MCPH1: variants seen among roughly 807,000 people sequenced by gnomAD.
MCPH1 encodes microcephalin.
In MCPH1, 104 loss-of-function variants were observed where a neutral mutation model predicts 84.5. The ratio of observed to expected loss-of-function variants is 1.23; its 90% confidence interval spans 1.05 to 1.45. The LOEUF (loss-of-function observed/expected upper bound fraction) is 1.45, where lower values mean the gene tolerates loss of function less well. Ranked by LOEUF, MCPH1 falls within the 40% of genes most tolerant of loss-of-function variation. MCPH1 has a pLI of 0.00. For missense variants in MCPH1, 1,498 were observed against 1,005.7 expected (o/e 1.49, Z -6.62); for synonymous variants, 514 against 366.8 (o/e 1.40, Z -4.58).
intron 8 of MCPH1, among the ~76,000 whole-genome samples, chr8:6,451,642 G>T (rs1805097418): frequency 6.6e-6 from 1 of 152,124 alleles, no homozygotes; most frequent in African/African-American, 2.4e-5. Context: ...CGTTAGCAGA[G>T]TTTTACTTGT....
In MCPH1 at chr8:6,647,398, A is replaced by G. The variant is rs750339856; in HGVS notation, c.*4349A>G. ...TTAAAAAATTGAACATTCAACTACC[A>G]TATGACCCAGCAATTTCACTCTCAG... On this transcript the variant is annotated 3_prime_UTR_variant, in exon 14 of 14. Coordinates refer to ENST00000344683, the MANE Select transcript of MCPH1 (RefSeq NM_024596.5). The G allele has an allele frequency of 1.3e-5, 2 of 152,216 alleles. No homozygotes were observed. Among genetic ancestry groups the G allele is most frequent in the Non-Finnish European group, 2.9e-5 (2 of 68,034 alleles). 9.4% of individuals were successfully genotyped at this position (152,216 alleles called of 1,614,324 possible).
chr8:6,442,794 A>G (rs537760298), intron 7 of MCPH1, among the ~76,000 whole-genome samples: 3 of 152,346 alleles, frequency 2.0e-5, no homozygotes, highest in South Asian at 2.1e-4. Context: ...ACTATGTTCA[A>G]AAGTGCTTGA....
chr8:6,539,804 C>G (rs1220508710), intron 12 of MCPH1, among the ~76,000 whole-genome samples: 2 of 152,206 alleles, frequency 1.3e-5, no homozygotes, highest in Non-Finnish European at 2.9e-5. Context: ...TCAGGCTGGT[C>G]TGAAACTCCT....
At chr8:6,552,804 A>G (rs2129575025) in intron 12 of MCPH1, among the ~76,000 whole-genome samples, 1 of 146,854 alleles carries the variant, frequency 6.8e-6, no homozygotes, top group East Asian at 1.9e-4. Flanking sequence ...ATTGTTCTAC[A>G]GTTATTCCTG....
intron 8 of MCPH1, among the ~76,000 whole-genome samples, chr8:6,451,020 C>T (rs1389132114): frequency 6.6e-6 from 1 of 152,168 alleles, no homozygotes; most frequent in African/African-American, 2.4e-5. Flanking sequence ...TGGTATAGTA[C>T]ATTTTGCAAA....
chr8:6,438,668 G>A (rs1401613306), intron 5 of MCPH1, among the ~76,000 whole-genome samples: 1 of 152,174 alleles, frequency 6.6e-6, no homozygotes, highest in Admixed American at 6.5e-5. Flanking sequence ...TTCAAGTGGG[G>A]ATACTGATTT....
At chr8:6,626,959 A>G in intron 13 of MCPH1, 1 of 984,814 alleles carries the variant, frequency 1.0e-6, no homozygotes, top group Non-Finnish European at 1.2e-6. Context: ...GTGGGAACAT[A>G]ATGTAATATT....
At chr8:6,413,182 T>G (rs911749265) in intron 2 of MCPH1, among the ~76,000 whole-genome samples, 3 of 152,234 alleles carry the variant, frequency 2.0e-5, no homozygotes, top group African/African-American at 7.2e-5. Flanking sequence ...TGTAAAATGC[T>G]AGCACAAATA....
intron 12 of MCPH1, among the ~76,000 whole-genome samples, chr8:6,567,603 A>T (rs984655471): frequency 1.3e-5 from 2 of 152,120 alleles, no homozygotes; most frequent in African/African-American, 4.8e-5. Flanking sequence ...GCCCCTAGGG[A>T]AGTGGAGACA....
intron 12 of MCPH1, among the ~76,000 whole-genome samples, chr8:6,576,295 G>A (rs983149118): frequency 1.3e-5 from 2 of 152,128 alleles, no homozygotes; most frequent in African/African-American, 4.8e-5. Flanking sequence ...CCTCTTTCAT[G>A]AAGAGCCTGT....
In MCPH1 at chr8:6,428,999, C is replaced by A. The variant is rs146365596; in HGVS notation, c.234-2500C>A. ...CTTTCTGATAGGGAAGTGAGAATTT[C>A]GTTTTTAATCCGCCCCTCTGAGTGC... On this transcript the variant is annotated intron_variant, in intron 3 of 13. Coordinates refer to ENST00000344683, the MANE Select transcript of MCPH1 (RefSeq NM_024596.5). Among the ~76,000 whole-genome samples, 56 of 152,282 alleles carry A rather than the reference C, an allele frequency of 3.7e-4. No individual in the cohort carries two copies. In the East Asian group the frequency reaches 0.01, roughly 28 times the overall value.
At chr8:6,434,068 G>A (rs6993448) in intron 4 of MCPH1, among the ~76,000 whole-genome samples, 16,231 of 151,992 alleles carry the variant, frequency 0.11, 1,086 homozygotes, top group Middle Eastern at 0.24. Context: ...GACCTATCCT[G>A]CCACCCGTTT....
At chr8:6,636,504 G>C (rs1046973415) in intron 13 of MCPH1, among the ~76,000 whole-genome samples, 1 of 152,124 alleles carries the variant, frequency 6.6e-6, no homozygotes, top group African/African-American at 2.4e-5. Flanking sequence ...TTTTGAAACA[G>C]AGTTTGGCTC....
chr8:6,536,709 T>C (rs996762171), intron 12 of MCPH1, among the ~76,000 whole-genome samples: 1 of 152,190 alleles, frequency 6.6e-6, no homozygotes, highest in Non-Finnish European at 1.5e-5. Context: ...TAATGTAGCC[T>C]TTCCATAAAT....
At chr8:6,409,514 G>T (rs1798243119) in intron 2 of MCPH1, 144 bp downstream of exon 2, 1 of 703,384 alleles carries the variant, frequency 1.4e-6, no homozygotes, top group Non-Finnish European at 2.5e-6. Flanking sequence ...GAGCCAAAGT[G>T]TGAAGAATTT....
intron 2 of MCPH1, among the ~76,000 whole-genome samples, chr8:6,413,020 C>A (rs1303143150): frequency 6.6e-6 from 1 of 152,158 alleles, no homozygotes; most frequent in Non-Finnish European, 1.5e-5. Context: ...AAGCATTGTA[C>A]ATATATTACT....
chr8:6,447,353 G>T, intron 8 of MCPH1: 1 of 985,320 alleles, frequency 1.0e-6, no homozygotes, highest in Middle Eastern at 5.2e-4. Context: ...CTTCTGTACA[G>T]CAAACTGTAC....
intron 13 of MCPH1, among the ~76,000 whole-genome samples, chr8:6,623,001 C>A (rs1340644191): frequency 1.4e-5 from 2 of 146,804 alleles, no homozygotes; most frequent in African/African-American, 5.0e-5. Flanking sequence ...CCACGATGCC[C>A]AGCTTTACTT....
At chr8:6,627,853 T>C (rs974127079) in intron 13 of MCPH1, among the ~76,000 whole-genome samples, 18 of 152,012 alleles carry the variant, frequency 1.2e-4, no homozygotes, top group African/African-American at 3.6e-4. Flanking sequence ...GATCATGCCA[T>C]TGCACTCCAG....
Sources: allele counts gnomAD v4.1 joint callset (sites outside exome capture counted in the v4.1 genomes callset), GRCh38; gene constraint gnomAD v4.1.1; transcripts MANE v1.5; gene names NCBI Gene and HGNC (gene_info 2026-07-23, HGNC 2026-07-21).